FHIT: variants seen among roughly 807,000 people sequenced by gnomAD.
FHIT encodes fragile histidine triad diadenosine triphosphatase, also known as bis(5'-adenosyl)-triphosphatase.
Under a neutral mutation model 17.9 loss-of-function variants are expected in FHIT, and 19 were observed. The observed-to-expected ratio is 1.06, with a 90% CI of 0.74 to 1.56. The LOEUF (loss-of-function observed/expected upper bound fraction) is 1.56. FHIT is among the 40% of genes most tolerant of loss of function. The pLI, the probability that FHIT is intolerant of heterozygous loss-of-function variation, is 0.00. For missense variants in FHIT, 248 were observed against 189.2 expected (o/e 1.31, Z -1.82); for synonymous variants, 81 against 69.7 (o/e 1.16, Z -0.81).
chr3:60,247,072 T>C (rs1705433755), intron 5 of FHIT, among the ~76,000 whole-genome samples: 1 of 152,120 alleles, frequency 6.6e-6, no homozygotes, highest in African/African-American at 2.4e-5. Flanking sequence ...ACTTTGGGTG[T>C]CAATGATGTG....
chr3:61,047,828 T>G (rs1330578501), intron 2 of FHIT, among the ~76,000 whole-genome samples: 1 of 142,310 alleles, frequency 7.0e-6, no homozygotes, highest in Non-Finnish European at 1.5e-5. Context: ...ACCACACATC[T>G]ACAACCATCT....
chr3:60,460,379 A>G (rs548371444), intron 5 of FHIT, among the ~76,000 whole-genome samples: 2 of 152,274 alleles, frequency 1.3e-5, no homozygotes, highest in East Asian at 3.9e-4. Context: ...TCCAAGGGAA[A>G]TAACACCTTT....
At chr3:60,112,273 ATGGAACTTGTAAGGAGCCACTCCTCC>A (rs1704708837) in intron 5 of FHIT, among the ~76,000 whole-genome samples, 1 of 152,158 alleles carries the variant, frequency 6.6e-6, no homozygotes, top group African/African-American at 2.4e-5. Flanking sequence ...CATTGACCTC[ATGGAACTTGTAAGGAGCCACTCCTCC>A]TGAAGCTGTC....
At chr3:60,581,222 C>T (rs552553791) in intron 4 of FHIT, among the ~76,000 whole-genome samples, 11 of 152,186 alleles carry the variant, frequency 7.2e-5, no homozygotes, top group African/African-American at 2.7e-4. Flanking sequence ...AATTCTCATC[C>T]TCCCCCACAA....
At chr3:60,885,535 G>C (rs1270034401) in intron 3 of FHIT, among the ~76,000 whole-genome samples, 2 of 151,998 alleles carry the variant, frequency 1.3e-5, no homozygotes, top group Admixed American at 6.6e-5. Flanking sequence ...TCATGCCTTG[G>C]CCTAAAACTC....
chr3:60,643,328 A>G (rs1398320287), intron 4 of FHIT, among the ~76,000 whole-genome samples: 1 of 152,140 alleles, frequency 6.6e-6, no homozygotes, highest in Non-Finnish European at 1.5e-5. Context: ...CCATATTTCC[A>G]AGAGCAACCT....
chr3:60,130,857 A>G lies in FHIT; in HGVS notation c.104-116705T>C, dbSNP rs538345409. Among the ~76,000 whole-genome samples the G allele has an allele frequency of 2.1e-3, 305 of 145,328 alleles. 1 individual carries two copies. Among genetic ancestry groups the G allele is most frequent in the Middle Eastern group, 3.8e-3 (1 of 264 alleles). Reference sequence around the variant, plus strand: ...TACATACATACACATACATGTGTATACATGTATATAGACACGTATACATGT... The same window carrying G: ...TACATACATACACATACATGTGTATGCATGTATATAGACACGTATACATGT... On this transcript the variant is annotated intron_variant, in intron 5 of 9. Coordinates refer to ENST00000492590, the MANE Select transcript of FHIT (RefSeq NM_002012.4).
intron 5 of FHIT, among the ~76,000 whole-genome samples, chr3:60,511,804 G>T (rs1314931221): frequency 6.6e-6 from 1 of 152,070 alleles, no homozygotes; most frequent in African/African-American, 2.4e-5. Flanking sequence ...AGGAAATGAG[G>T]ACAGCTTATA....
intron 4 of FHIT, among the ~76,000 whole-genome samples, chr3:60,640,740 G>A (rs1410022161): frequency 1.3e-5 from 2 of 152,090 alleles, no homozygotes; most frequent in Non-Finnish European, 2.9e-5. Context: ...ATCAAACATG[G>A]ACTATTTATC....
rs554198294 is a variant in FHIT at position 60,674,637 on chromosome 3, T to C, written c.-17-137658A>G. On this transcript the variant is annotated intron_variant, in intron 4 of 9. Transcript: ENST00000492590. ...TCCTTAGTTGTAGAACACAGCCTTA[T>C]GGTAGTGTACAGGTCTCACTCCTGA... is the stretch of plus-strand genomic sequence containing the variant. 5.9e-5 allele frequency among the ~76,000 whole-genome samples: 9 copies of C among 152,342 alleles called. No individual in the cohort carries two copies. In the South Asian group the frequency reaches 1.9e-3, roughly 32 times the overall value.
At chr3:60,296,907 CTTT>C (rs1198982460) in intron 5 of FHIT, among the ~76,000 whole-genome samples, 2 of 120,304 alleles carry the variant, frequency 1.7e-5, no homozygotes, top group Non-Finnish European at 3.4e-5. Flanking sequence ...AACTGAATTG[CTTT>C]TTTATTTTTG....
intron 5 of FHIT, among the ~76,000 whole-genome samples, chr3:60,226,576 T>C (rs138757492): frequency 1.1e-4 from 17 of 151,866 alleles, no homozygotes; most frequent in Middle Eastern, 6.8e-3. Flanking sequence ...CACACAATGA[T>C]TGCAGGATTA....
chr3:59,940,396 C>G (rs1283678634), intron 7 of FHIT, among the ~76,000 whole-genome samples: 1 of 152,106 alleles, frequency 6.6e-6, no homozygotes, highest in East Asian at 1.9e-4. Context: ...AATTACTCTA[C>G]TGAAGTCTAA....
At chr3:60,998,611 A>T (rs2030840663) in intron 3 of FHIT, among the ~76,000 whole-genome samples, 1 of 152,148 alleles carries the variant, frequency 6.6e-6, no homozygotes, top group Non-Finnish European at 1.5e-5. Context: ...TGTCACATAC[A>T]TTTTTTCCAC....
At chr3:60,380,951 AC>A (rs1377286019) in intron 5 of FHIT, among the ~76,000 whole-genome samples, 1 of 141,972 alleles carries the variant, frequency 7.0e-6, no homozygotes, top group East Asian at 1.9e-4. Flanking sequence ...CATCATGGCA[AC>A]CGCGTAACAA....
At chr3:60,643,463 G>C (rs2039777270) in intron 4 of FHIT, among the ~76,000 whole-genome samples, 1 of 152,064 alleles carries the variant, frequency 6.6e-6, no homozygotes, top group East Asian at 1.9e-4. Flanking sequence ...TAAGCAAAAA[G>C]AACAAATCTT....
At chr3:61,162,686 T>G (rs2037731184) in intron 2 of FHIT, among the ~76,000 whole-genome samples, 2 of 152,220 alleles carry the variant, frequency 1.3e-5, no homozygotes, top group South Asian at 4.1e-4. Context: ...AGATTCTGAT[T>G]CTATGAGGAC....
At chr3:61,231,729 T>C (rs2040107199) in intron 1 of FHIT, among the ~76,000 whole-genome samples, 1 of 151,924 alleles carries the variant, frequency 6.6e-6, no homozygotes, top group Admixed American at 6.6e-5. Context: ...TCACAGAGAG[T>C]AACACCTAGC....
intron 8 of FHIT, among the ~76,000 whole-genome samples, chr3:59,819,090 T>C (rs946484307): frequency 3.9e-5 from 6 of 152,216 alleles, no homozygotes; most frequent in Admixed American, 2.6e-4. Flanking sequence ...GCTGTGTTTC[T>C]TTTTTCCTGT....
Sources: allele counts gnomAD v4.1 joint callset (sites outside exome capture counted in the v4.1 genomes callset), GRCh38; gene constraint gnomAD v4.1.1; transcripts MANE v1.5; gene names NCBI Gene and HGNC (gene_info 2026-07-23, HGNC 2026-07-21).